Variants in VIL1 observed in about 807,000 individuals in gnomAD.
VIL1 encodes the protein villin 1.
VIL1 carries 86 observed loss-of-function variants against 104.0 expected under a neutral mutation model. The observed-to-expected ratio is 0.83, with a 90% CI of 0.69 to 0.99. VIL1 has a LOEUF of 0.99. Ranked by LOEUF, VIL1 falls within the 50% of genes least tolerant of loss-of-function variation. The probability of loss-of-function intolerance (pLI) is 0.00; values close to 1 mark genes in which losing one functional copy is unlikely to be tolerated. For synonymous variants in VIL1, 394 were observed against 412.6 expected, an observed-to-expected ratio of 0.95 and a Z score of 0.55; for missense variants, 944 against 1,054.1, an observed-to-expected ratio of 0.90 and a Z score of 1.45.
At chr2:218,419,238 C>G (rs1456212831) in intron 1 of VIL1, 70 bp downstream of exon 1, 1 of 152,298 alleles carries the variant, frequency 6.6e-6, no homozygotes, top group Non-Finnish European at 1.5e-5. Flanking sequence ...CTGCTTTTCT[C>G]GGGCAACTTG....
At position 218,435,419 on chromosome 2, in the gene VIL1, A is replaced by G. The variant is rs1689172344; in HGVS notation, c.1811A>G (p.Tyr604Cys). The change falls in exon 15 of 20, where the codon TAT becomes TGT. Residue 604 changes from tyrosine (Y) to cysteine (C), a missense_variant. Physicochemically the swap from Tyr to Cys is radical, Grantham distance 194. Coordinates refer to ENST00000248444, the MANE Select transcript of VIL1 (RefSeq NM_007127.3). ...ATGGCCCTGGGTGGGAAGGCCCCCTATGCCAACACCAAGAGGTAACTCTCA... is the reference window on the plus strand; with the variant it reads ...ATGGCCCTGGGTGGGAAGGCCCCCTGTGCCAACACCAAGAGGTAACTCTCA... ...FWMALGGKAP[Y>C]ANTKRLQEEN... 2 of 1,613,924 alleles carry G rather than the reference A, an allele frequency of 1.2e-6. No individual in the cohort carries two copies. The highest frequency in any genetic ancestry group is 1.7e-6 in the Non-Finnish European group (2 of 1,179,876).
At chr2:218,424,424 G>C in intron 3 of VIL1, 73 bp downstream of exon 3, 2 of 1,506,536 alleles carry the variant, frequency 1.3e-6, no homozygotes, top group Middle Eastern at 1.7e-4. Context: ...AAACAGGCTG[G>C]GGGCCGTGGG....
chr2:218,433,129 G>A (rs1293497675), intron 13 of VIL1, among the ~76,000 whole-genome samples, 178 bp downstream of exon 13: 1 of 152,206 alleles, frequency 6.6e-6, no homozygotes, highest in Non-Finnish European at 1.5e-5. Context: ...AACCCATTTG[G>A]TTACTTTAGA....
At chr2:218,428,797 G>A (rs572288432) in intron 6 of VIL1, among the ~76,000 whole-genome samples, 13 of 152,212 alleles carry the variant, frequency 8.5e-5, no homozygotes, top group African/African-American at 2.9e-4. Context: ...TCAGCCTCCC[G>A]AGTAGCTGGG....
At chr2:218,448,850 C>T (rs1689414493) in intron 19 of VIL1, among the ~76,000 whole-genome samples, 1 of 151,968 alleles carries the variant, frequency 6.6e-6, no homozygotes, top group Non-Finnish European at 1.5e-5. Context: ...ACTAAAAACA[C>T]AAAAGTTACC....
intron 6 of VIL1, 63 bp from the exon 7 acceptor site, chr2:218,429,222 G>A: frequency 1.3e-6 from 2 of 1,551,148 alleles, no homozygotes; most frequent in Non-Finnish European, 1.8e-6. Flanking sequence ...GCAGGGTGTA[G>A]GGTGGCAGAC....
At chr2:218,431,233 C>A (rs1015974513) in intron 10 of VIL1, 2 of 423,014 alleles carry the variant, frequency 4.7e-6, no homozygotes, top group African/African-American at 4.1e-5. Context: ...TGCCTGTAAC[C>A]CCAGCTACTC....
intron 19 of VIL1, among the ~76,000 whole-genome samples, chr2:218,445,250 A>T (rs1258631446): frequency 6.6e-6 from 1 of 151,996 alleles, no homozygotes; most frequent in South Asian, 2.1e-4. Flanking sequence ...AAATACAAAA[A>T]TTAGCCCGGT....
In VIL1 at chr2:218,451,187, G is replaced by T. The variant is rs1689468288; in HGVS notation, c.*1851G>T. 1 of 152,194 alleles carries T rather than the reference G, an allele frequency of 6.6e-6. No individual in the cohort carries two copies. The highest frequency in any genetic ancestry group is 2.4e-5 in the African/African-American group (1 of 41,452). 9.4% of individuals were successfully genotyped at this position (152,194 alleles called of 1,614,324 possible). On this transcript the variant is annotated 3_prime_UTR_variant, in exon 20 of 20. Coordinates refer to ENST00000248444, the MANE Select transcript of VIL1 (RefSeq NM_007127.3). Reference sequence around the variant, plus strand: ...ATTTAGTTTTTGTATACACTTGCAAGAGTGCATTACTCAGTATAAAGCAAA... The same window carrying T: ...ATTTAGTTTTTGTATACACTTGCAATAGTGCATTACTCAGTATAAAGCAAA...
chr2:218,432,256 C>A, intron 12 of VIL1, 73 bp downstream of exon 12: 2 of 1,561,520 alleles, frequency 1.3e-6, no homozygotes, highest in Non-Finnish European at 1.7e-6. Context: ...TGCTAAGTGG[C>A]CATCACCCTT....
At chr2:218,437,060 A>C in intron 16 of VIL1, 64 bp from the exon 17 acceptor site, 1 of 1,567,768 alleles carries the variant, frequency 6.4e-7, no homozygotes, top group Non-Finnish European at 8.7e-7. Flanking sequence ...TGGACAACTG[A>C]GGCAGAGCCC....
intron 2 of VIL1, 111 bp downstream of exon 2, chr2:218,423,964 C>A (rs1303587941): frequency 1.6e-6 from 2 of 1,266,128 alleles, no homozygotes; most frequent in Admixed American, 3.9e-5. Flanking sequence ...GCCCTGAAGC[C>A]CCTGAGAGCT....
In VIL1 at chr2:218,440,650, C is replaced by G; in HGVS notation, c.2230-72C>G. The G allele has an allele frequency of 3.1e-6, 5 of 1,596,404 alleles. No individual in the cohort carries two copies. The Admixed American group carries it at 6.8e-5, about 22-fold the overall frequency. ...CTTGAAGGTGGTGCCCTAGAGACTT[C>G]AGAGAGAAAGGCAGCCTGGGAGGTA... On this transcript the variant is annotated intron_variant, in intron 18 of 19. Transcript: ENST00000248444.
Position 218,452,581 on chromosome 2 carries a change from A to G in VIL1, c.*3245A>G, listed in dbSNP as rs1356359315. 6.6e-6 allele frequency: 1 copy of G among 152,192 alleles called. No individual in the cohort carries two copies. The highest frequency in any genetic ancestry group is 6.5e-5 in the Admixed American group (1 of 15,272). 9.4% of individuals were successfully genotyped at this position (152,192 alleles called of 1,614,324 possible). A position where few individuals can be genotyped will look rare whatever the true frequency, so the allele number is the denominator to read the frequency against. ...AACATGCAAGTACATGAGCAGTGAG[A>G]TAACTTATATATTCCAATAACCTAT... On this transcript the variant is annotated 3_prime_UTR_variant, in exon 20 of 20. Coordinates refer to ENST00000248444, the MANE Select transcript of VIL1 (RefSeq NM_007127.3).
intron 7 of VIL1, 29 bp from the exon 8 acceptor site, chr2:218,429,568 C>T: frequency 6.2e-7 from 1 of 1,614,084 alleles, no homozygotes; most frequent in Admixed American, 1.7e-5. Context: ...GGGCCCCCTC[C>T]CCATCTATGC....
At chr2:218,429,761 G>T in intron 8 of VIL1, 86 bp downstream of exon 8, 3 of 1,596,064 alleles carry the variant, frequency 1.9e-6, no homozygotes, top group Non-Finnish European at 2.6e-6. Context: ...CTTGGGGTGG[G>T]CCTGGGAGGG....
At position 218,440,813 on chromosome 2, in the gene VIL1, A is replaced by G; in HGVS notation, c.2321A>G (p.Asn774Ser). ...LPIFPLEQLV[N>S]KPVEELPEGV... Reference sequence around the variant, plus strand: ...ATCTTCCCCCTGGAGCAGCTAGTGAACAAGCCTGTAGAGGAGCTCCCCGAG... The same window carrying G: ...ATCTTCCCCCTGGAGCAGCTAGTGAGCAAGCCTGTAGAGGAGCTCCCCGAG... Residue 774 changes from asparagine (N) to serine (S), a missense_variant, in exon 19 of 20, where the codon AAC becomes AGC. Physicochemically the swap from Asn to Ser is conservative, Grantham distance 46. Coordinates refer to ENST00000248444, the MANE Select transcript of VIL1 (RefSeq NM_007127.3). The G allele has an allele frequency of 6.2e-7, 1 of 1,614,194 alleles. No individual in the cohort carries two copies. Among genetic ancestry groups the G allele is most frequent in the South Asian group, 1.1e-5 (1 of 91,082 alleles).
intron 10 of VIL1, among the ~76,000 whole-genome samples, chr2:218,431,544 T>C (rs1310906192): frequency 6.6e-6 from 1 of 152,060 alleles, no homozygotes; most frequent in Non-Finnish European, 1.5e-5. Flanking sequence ...CAGCTCCCTA[T>C]TGAGCTGGGA....
chr2:218,429,408 G>C lies in VIL1; in HGVS notation c.691G>C (p.Gly231Arg). 3.1e-6 allele frequency: 5 copies of C among 1,614,140 alleles called. No individual in the cohort carries two copies. The highest frequency in any genetic ancestry group is 4.2e-6 in the Non-Finnish European group (5 of 1,180,050). Residue 231 changes from glycine to arginine, a missense_variant, in exon 7 of 20, where the codon GGC becomes CGC. Physicochemically the swap from Gly to Arg is moderately radical, Grantham distance 125 (BLOSUM62 -2). Transcript: ENST00000248444. ...KLMEVMNHVL[G>R]KRRELKAAVP... Reference sequence around the variant, plus strand: ...GATGGAGGTGATGAACCACGTGCTGGGCAAGCGCAGGGAGCTGAAGGCGGC... The same window carrying C: ...GATGGAGGTGATGAACCACGTGCTGCGCAAGCGCAGGGAGCTGAAGGCGGC...
Sources: allele counts gnomAD v4.1 joint callset (sites outside exome capture counted in the v4.1 genomes callset), GRCh38; gene constraint gnomAD v4.1.1; transcripts MANE v1.5; gene names NCBI Gene and HGNC (gene_info 2026-07-23, HGNC 2026-07-21).